The following PLAC1 variants were observed in gnomAD, a reference collection of about 807,000 sequenced individuals.
PLAC1 encodes the protein placenta associated 1.
For missense variants in PLAC1, 136 were observed against 163.2 expected, an observed-to-expected ratio of 0.83 and a Z score of 0.91; for synonymous variants, 68 against 62.1, an observed-to-expected ratio of 1.09 and a Z score of -0.44.
intron 1 of PLAC1, among the ~76,000 whole-genome samples, chrX:134,630,877 T>C (rs1431593650): frequency 2.7e-5 from 3 of 111,709 alleles, no homozygotes; most frequent in South Asian, 3.8e-4. Flanking sequence ...AAGCTAAGTA[T>C]TCTAAAAAGC....
At chrX:134,727,611 A>G (rs899733027) in intron 2 of PLAC1, among the ~76,000 whole-genome samples, 1 of 112,269 alleles carries the variant, frequency 8.9e-6, no homozygotes, top group African/African-American at 3.2e-5. Context: ...AAGTTCAAAC[A>G]GAATATGTCA....
intron 1 of PLAC1, among the ~76,000 whole-genome samples, chrX:134,621,580 A>G (rs776422904): frequency 9.0e-6 from 1 of 110,683 alleles, no homozygotes; most frequent in Non-Finnish European, 1.9e-5. Context: ...ATCCTCAATG[A>G]CTGAACTGTT....
Position 134,566,286 on chromosome X carries a change from C to T in PLAC1, c.397G>A (p.Ala133Thr), listed in dbSNP as rs1448603217. The change falls in exon 3 of 3, where the codon GCC becomes ACC. Residue 133 changes from alanine (A) to threonine (T), a missense_variant. By Grantham distance (58) the Ala-to-Thr change is moderately conservative (BLOSUM62 0). Transcript: ENST00000359237. ...WLTKPCSMRV[A>T]SKSRATAQKD... Reference sequence around the variant, plus strand: ...TGGGCTGTGGCCCTGCTCTTGCTGGCTACTCTCATGGAGCAGGGCTTGGTG... The same window carrying T: ...TGGGCTGTGGCCCTGCTCTTGCTGGTTACTCTCATGGAGCAGGGCTTGGTG... 1 of 1,210,224 alleles carries T rather than the reference C, an allele frequency of 8.3e-7. No individual in the cohort carries two copies. Among genetic ancestry groups the T allele is most frequent in the Non-Finnish European group, 1.1e-6 (1 of 895,274 alleles).
intron 1 of PLAC1, among the ~76,000 whole-genome samples, chrX:134,622,817 G>A (rs2078217820): frequency 8.9e-6 from 1 of 111,821 alleles, no homozygotes; most frequent in Non-Finnish European, 1.9e-5. Context: ...ACCTCTAAGG[G>A]TTCTTCCTGC....
At chrX:134,583,738 C>G (rs892648483) in intron 2 of PLAC1, among the ~76,000 whole-genome samples, 1 of 110,655 alleles carries the variant, frequency 9.0e-6, no homozygotes. Flanking sequence ...CCTCCCTCCA[C>G]CCCCTGGTTA....
intron 2 of PLAC1, among the ~76,000 whole-genome samples, chrX:134,710,371 T>G (rs2078624341): frequency 8.9e-6 from 1 of 112,061 alleles, no homozygotes; most frequent in Admixed American, 9.5e-5. Flanking sequence ...CTTATGGGAC[T>G]GTTACTCGGT....
In PLAC1 at chrX:134,587,093, A is replaced by T. The variant is rs183215653; in HGVS notation, c.-59+14958T>A. On this transcript the variant is annotated intron_variant, in intron 2 of 2. Coordinates refer to ENST00000359237, the MANE Select transcript of PLAC1 (RefSeq NM_021796.4). ...TGTAGGCTTCACAGTGTTCTGAGGT[A>T]GGGACTGTTATTATTCCCATGTGAG... Among the ~76,000 whole-genome samples, 141 of 110,639 alleles carry T rather than the reference A, an allele frequency of 1.3e-3. 1 individual carries two copies. Among genetic ancestry groups the T allele is most frequent in the African/African-American group, 4.5e-3 (137 of 30,474 alleles).
intron 1 of PLAC1, among the ~76,000 whole-genome samples, chrX:134,655,501 T>A (rs1045344013): frequency 8.9e-6 from 1 of 112,229 alleles, no homozygotes; most frequent in African/African-American, 3.2e-5. Flanking sequence ...ATTCCTAATA[T>A]AATCTAATTT....
At chrX:134,586,559 G>A (rs973619181) in intron 2 of PLAC1, among the ~76,000 whole-genome samples, 1 of 111,088 alleles carries the variant, frequency 9.0e-6, no homozygotes, top group African/African-American at 3.3e-5. Context: ...GGGGAAGGAC[G>A]CAGAGGGCAG....
At chrX:134,742,639 C>A (rs1285406580) in intron 1 of PLAC1, among the ~76,000 whole-genome samples, 1 of 109,828 alleles carries the variant, frequency 9.1e-6, no homozygotes, top group Non-Finnish European at 1.9e-5. Flanking sequence ...GGTCTTCTTT[C>A]AACTCTGAGA....
chrX:134,690,874 G>A (rs762891566), intron 2 of PLAC1, among the ~76,000 whole-genome samples: 38 of 96,335 alleles, frequency 3.9e-4, no homozygotes, highest in African/African-American at 1.4e-3. Flanking sequence ...TCCGGGAGGC[G>A]GAGATTGCAG....
At chrX:134,573,292 C>T (rs2077919247) in intron 2 of PLAC1, among the ~76,000 whole-genome samples, 1 of 111,940 alleles carries the variant, frequency 8.9e-6, no homozygotes, top group Admixed American at 9.5e-5. Context: ...ATGTATGCCC[C>T]TAATTCAGTT....
At chrX:134,609,817 C>T (rs945445393) in intron 1 of PLAC1, among the ~76,000 whole-genome samples, 13 of 111,432 alleles carry the variant, frequency 1.2e-4, no homozygotes, top group African/African-American at 4.3e-4. Flanking sequence ...CACGGGGAAC[C>T]CACCTTCATG....
intron 2 of PLAC1, among the ~76,000 whole-genome samples, chrX:134,689,173 A>T (rs1401247822): frequency 9.0e-6 from 1 of 111,595 alleles, no homozygotes; most frequent in Non-Finnish European, 1.9e-5. Context: ...GAGCCCACTC[A>T]CTGGTCTGGT....
chrX:134,736,777 C>T (rs2078704177), intron 1 of PLAC1, among the ~76,000 whole-genome samples: 1 of 112,259 alleles, frequency 8.9e-6, no homozygotes, highest in Admixed American at 9.4e-5. Flanking sequence ...CTCCTAAAAG[C>T]CATGGCCCCA....
intron 1 of PLAC1, among the ~76,000 whole-genome samples, chrX:134,624,773 A>C (rs780615246): frequency 5.8e-4 from 65 of 111,419 alleles, no homozygotes; most frequent in Non-Finnish European, 1.1e-3. Context: ...CCCAGTGTCA[A>C]CCCACAATGT....
At chrX:134,744,281 CA>C (rs779609449) in intron 1 of PLAC1, among the ~76,000 whole-genome samples, 123 of 51,396 alleles carry the variant, frequency 2.4e-3, no homozygotes, top group Admixed American at 2.8e-3. Context: ...GACTCCATCT[CA>C]AAAAAAAAAA....
chrX:134,613,762 C>T lies in PLAC1; in HGVS notation c.-130-11640G>A, dbSNP rs193133981. Among the ~76,000 whole-genome samples, 153 of 110,479 alleles carry T rather than the reference C, an allele frequency of 1.4e-3. 2 individuals carry two copies. The Admixed American group carries it at 0.014, about 10-fold the overall frequency. On this transcript the variant is annotated intron_variant, in intron 1 of 2. Coordinates refer to ENST00000359237, the MANE Select transcript of PLAC1 (RefSeq NM_021796.4). ...TCCCCTTTCTCTGTTTCTATGGCTT[C>T]GTCCTAGCCCAGACTCTGATCATTG...
intron 2 of PLAC1, among the ~76,000 whole-genome samples, chrX:134,699,121 T>C (rs886601891): frequency 1.6e-4 from 18 of 111,981 alleles, no homozygotes; most frequent in Non-Finnish European, 7.5e-5. Flanking sequence ...TCATCCAGGC[T>C]ACAACATTGG....
Sources: allele counts gnomAD v4.1 joint callset (sites outside exome capture counted in the v4.1 genomes callset), GRCh38; gene constraint gnomAD v4.1.1; transcripts MANE v1.5; gene names NCBI Gene and HGNC (gene_info 2026-07-23, HGNC 2026-07-21).